Variants in UNC13C observed in about 807,000 individuals in gnomAD.
UNC13C encodes protein unc-13 homolog C.
UNC13C carries 174 observed loss-of-function variants against 245.4 expected under a neutral mutation model. That is an observed-to-expected ratio of 0.71 (90% CI 0.63 to 0.80). The LOEUF is 0.80. UNC13C is among the 30% of genes least tolerant of loss of function. UNC13C has a pLI of 0.00. For synonymous variants in UNC13C, 992 were observed against 895.1 expected (o/e 1.11, Z -1.93); for missense variants, 2,829 against 2,602.9 (o/e 1.09, Z -1.89).
chr15:53,976,475 C>CTTTTTTTTTTTTTTTTTTTTT (rs879775519), upstream of UNC13C, among the ~76,000 whole-genome samples: 1 of 63,732 alleles, frequency 1.6e-5, no homozygotes, highest in African/African-American at 4.8e-5. Context: ...CTCTCTCTCT[C>CTTTTTTTTTTTTTTTTTTTTT]TCTTTTTTTT....
the UNC13C span, among the ~76,000 whole-genome samples, chr15:53,880,445 A>G: frequency 4.6e-5 from 7 of 152,222 alleles, no homozygotes; most frequent in Non-Finnish European, 1.0e-4. Context: ...ATAATGTCCG[A>G]ACTACACGTT....
At chr15:54,228,051 G>T (rs2035443180) in intron 4 of UNC13C, among the ~76,000 whole-genome samples, 1 of 152,236 alleles carries the variant, frequency 6.6e-6, no homozygotes, top group South Asian at 2.1e-4. Flanking sequence ...AGCTGAGCTG[G>T]TACCTCAACC....
chr15:53,982,048 G>C (rs1214264358), intron 1 of UNC13C, among the ~76,000 whole-genome samples: 4 of 152,100 alleles, frequency 2.6e-5, no homozygotes, highest in African/African-American at 2.4e-5. Context: ...TAGAAAGATA[G>C]GAACTCAACA....
At position 54,088,190 on chromosome 15, in the gene UNC13C, G is replaced by C. The variant is rs1349074554; in HGVS notation, c.2984-54828G>C. On this transcript the variant is annotated intron_variant, in intron 2 of 32. Transcript: ENST00000260323. ...GGCAAAAATGTAGAAGCAGCCATGG[G>C]CTTCCTTTTCCTTTTTTTTTTTTTT... Among the ~76,000 whole-genome samples the C allele has an allele frequency of 2.8e-5, 4 of 140,960 alleles. No individual in the cohort carries two copies. In the Admixed American group the frequency reaches 3.2e-4, roughly 11 times the overall value. 92.5% of individuals were successfully genotyped at this position (140,960 alleles called of 152,430 possible).
At chr15:54,154,801 A>G (rs2032671373) in intron 4 of UNC13C, among the ~76,000 whole-genome samples, 1 of 152,214 alleles carries the variant, frequency 6.6e-6, no homozygotes. Flanking sequence ...AGATTAGGTT[A>G]TAAAAGGGAC....
the UNC13C span, among the ~76,000 whole-genome samples, chr15:53,866,298 A>G: frequency 7.2e-5 from 11 of 152,220 alleles, no homozygotes; most frequent in African/African-American, 2.7e-4. Flanking sequence ...ATGAATTGCA[A>G]TGCTAAAGGA....
chr15:54,159,331 A>G (rs1476087634), intron 4 of UNC13C, among the ~76,000 whole-genome samples: 2 of 152,320 alleles, frequency 1.3e-5, no homozygotes, highest in East Asian at 3.9e-4. Context: ...ACTAAATACC[A>G]AAGGATGTGA....
At chr15:54,174,272 C>G (rs1168821465) in intron 4 of UNC13C, among the ~76,000 whole-genome samples, 1 of 151,968 alleles carries the variant, frequency 6.6e-6, no homozygotes, top group Non-Finnish European at 1.5e-5. Context: ...TTGTTTTCTC[C>G]TTAAGTGAGA....
chr15:54,108,930 G>T (rs754783015), intron 2 of UNC13C, among the ~76,000 whole-genome samples: 2 of 152,162 alleles, frequency 1.3e-5, no homozygotes, highest in Non-Finnish European at 2.9e-5. Context: ...AGTGTGGTTT[G>T]CTTTTCTACA....
At chr15:54,382,409 C>T (rs2039745220) in intron 17 of UNC13C, among the ~76,000 whole-genome samples, 1 of 151,860 alleles carries the variant, frequency 6.6e-6, no homozygotes, top group Non-Finnish European at 1.5e-5. Flanking sequence ...GGCAACATGG[C>T]AAAACTCCAT....
chr15:54,446,896 T>C (rs980702156), intron 19 of UNC13C, among the ~76,000 whole-genome samples: 2 of 152,232 alleles, frequency 1.3e-5, no homozygotes, highest in African/African-American at 4.8e-5. Flanking sequence ...CTTCCAGTTT[T>C]TGCCCATTCA....
rs1185156415 is a variant in UNC13C at position 54,012,699 on chromosome 15, C to G, written c.-205C>G. On this transcript the variant is annotated 5_prime_UTR_variant, in exon 2 of 33. Coordinates refer to ENST00000260323, the MANE Select transcript of UNC13C (RefSeq NM_001080534.3). ...AGAGAGATTCATGAAACCCCTCCTC[C>G]AGGAAAGAATGTCTTTCACAGATGG... Among the ~76,000 whole-genome samples the G allele has an allele frequency of 2.0e-5, 3 of 152,174 alleles. No individual in the cohort carries two copies. The highest frequency in any genetic ancestry group is 4.4e-5 in the Non-Finnish European group (3 of 68,022).
chr15:54,337,301 C>T (rs2038608075), intron 16 of UNC13C, among the ~76,000 whole-genome samples: 1 of 152,148 alleles, frequency 6.6e-6, no homozygotes, highest in South Asian at 2.1e-4. Flanking sequence ...TTATATTCTT[C>T]TGTAAGCTAA....
At chr15:54,190,437 T>A (rs1234542101) in intron 4 of UNC13C, among the ~76,000 whole-genome samples, 2 of 152,212 alleles carry the variant, frequency 1.3e-5, no homozygotes, top group Non-Finnish European at 2.9e-5. Context: ...TAATTTTGTA[T>A]CTTTTTAGTG....
chr15:54,284,032 G>T (rs187098161), intron 10 of UNC13C, among the ~76,000 whole-genome samples: 25 of 152,278 alleles, frequency 1.6e-4, no homozygotes, highest in Admixed American at 7.2e-4. Flanking sequence ...AACAGACACT[G>T]TTCCAGTCCC....
At chr15:53,920,016 A>C in the UNC13C span, among the ~76,000 whole-genome samples, 1 of 152,020 alleles carries the variant, frequency 6.6e-6, no homozygotes, top group Admixed American at 6.6e-5. Context: ...TGTATATTAG[A>C]AGACAGCTAT....
intron 30 of UNC13C, among the ~76,000 whole-genome samples, chr15:54,575,098 T>C (rs1049386126): frequency 2.0e-5 from 3 of 152,116 alleles, no homozygotes; most frequent in Non-Finnish European, 4.4e-5. Context: ...TGCAGTGGCA[T>C]AATCTCGACT....
At chr15:54,556,655 T>A (rs934424826) in intron 29 of UNC13C, among the ~76,000 whole-genome samples, 7 of 151,978 alleles carry the variant, frequency 4.6e-5, no homozygotes, top group Non-Finnish European at 8.8e-5. Flanking sequence ...ACTTTAAAAG[T>A]TTTTTTAAAT....
chr15:54,429,647 A>AT (rs1015076573), intron 19 of UNC13C, among the ~76,000 whole-genome samples: 2 of 151,540 alleles, frequency 1.3e-5, no homozygotes, highest in African/African-American at 4.8e-5. Context: ...TTTTAATCAG[A>AT]TTTTTTCCTA....
Sources: allele counts gnomAD v4.1 joint callset (sites outside exome capture counted in the v4.1 genomes callset), GRCh38; gene constraint gnomAD v4.1.1; transcripts MANE v1.5; gene names NCBI Gene and HGNC (gene_info 2026-07-23, HGNC 2026-07-21).